Variants in TAF7L observed in about 807,000 individuals in gnomAD.
The protein encoded by TAF7L is transcription initiation factor TFIID subunit 7-like.
A neutral mutation model predicts 30.2 loss-of-function variants in TAF7L; 6 were observed. That is an observed-to-expected ratio of 0.20 (90% CI 0.11 to 0.39). The LOEUF (loss-of-function observed/expected upper bound fraction) is 0.39, where lower values mean the gene tolerates loss of function less well. TAF7L is among the 10% of genes least tolerant of loss of function. The probability of loss-of-function intolerance (pLI) is 1.00; values close to 1 mark genes in which losing one functional copy is unlikely to be tolerated. For missense variants in TAF7L, 284 were observed against 277.1 expected (o/e 1.03, Z -0.18); for synonymous variants, 93 against 94.5 (o/e 0.98, Z 0.09).
chrX:101,288,388 C>A (rs1229853204), intron 1 of TAF7L, among the ~76,000 whole-genome samples: 1 of 109,796 alleles, frequency 9.1e-6, no homozygotes, highest in Non-Finnish European at 1.9e-5. Context: ...AGTGATCCGC[C>A]CACCTCAGCC....
Position 101,277,937 on chromosome X carries a change from A to G in TAF7L, c.577+112T>C, listed in dbSNP as rs1924269665. On this transcript the variant is annotated intron_variant, in intron 8 of 12. Coordinates refer to ENST00000356784, the MANE Select transcript of TAF7L (RefSeq NM_001168474.2). ...GTTCCTAGCTAGAACATTTCAAAGAATCTTAAGTTCCACACATCAAGACTG... is the reference window on the plus strand; with the variant it reads ...GTTCCTAGCTAGAACATTTCAAAGAGTCTTAAGTTCCACACATCAAGACTG... 17 of 673,231 alleles carry G rather than the reference A, an allele frequency of 2.5e-5. No homozygotes were observed. The Admixed American group carries it at 3.9e-4, about 15-fold the overall frequency. 55.5% of individuals were successfully genotyped at this position (673,231 alleles called of 1,213,427 possible). A position where few individuals can be genotyped will look rare whatever the true frequency, so the allele number is the denominator to read the frequency against.
upstream of TAF7L, among the ~76,000 whole-genome samples, chrX:101,292,252 T>TAAAAAAAAAAAA: frequency 4.2e-5 from 1 of 23,759 alleles, no homozygotes; most frequent in Non-Finnish European, 6.3e-5. Context: ...AAAAAAAAAA[T>TAAAAAAAAAAAA]AAATAAAAAA....
intron 2 of TAF7L, among the ~76,000 whole-genome samples, chrX:101,287,057 G>A: frequency 8.9e-6 from 1 of 112,156 alleles, no homozygotes; most frequent in Non-Finnish European, 1.9e-5. Context: ...AGGTATCAGT[G>A]TGGGGGAAGA....
At chrX:101,283,307 T>C in intron 4 of TAF7L, 143 bp downstream of exon 4, 2 of 668,207 alleles carry the variant, frequency 3.0e-6, no homozygotes, top group East Asian at 6.6e-5. Flanking sequence ...AACATGACAT[T>C]TCATTCCTGT....
intron 4 of TAF7L, 133 bp from the exon 5 acceptor site, chrX:101,282,586 T>C (rs924923685): frequency 5.5e-6 from 4 of 724,890 alleles, no homozygotes; most frequent in African/African-American, 2.2e-5. Context: ...TATTTTGTAA[T>C]GTACATTTAT....
intron 4 of TAF7L, among the ~76,000 whole-genome samples, chrX:101,282,836 G>T (rs751624749): frequency 9.0e-6 from 1 of 111,040 alleles, no homozygotes; most frequent in East Asian, 2.8e-4. Flanking sequence ...CGTGATCATG[G>T]CTCACTGCAC....
chrX:101,285,875 T>C (rs1924569412), intron 3 of TAF7L, among the ~76,000 whole-genome samples: 1 of 111,792 alleles, frequency 8.9e-6, no homozygotes, highest in Non-Finnish European at 1.9e-5. Flanking sequence ...TAACAAATAT[T>C]ATTTAAAAGA....
rs1924278695 is a variant in TAF7L at position 101,278,091 on chromosome X, C to T, written c.535G>A (p.Val179Ile). Residue 179 changes from valine to isoleucine, a missense_variant, in exon 8 of 13, where the codon GTA becomes ATA. Val to Ile is a conservative substitution (Grantham distance 29). Coordinates refer to ENST00000356784, the MANE Select transcript of TAF7L (RefSeq NM_001168474.2). The part of the protein sequence containing the change: ...YIESPDVENE[V>I]KRLLRSDAEA... ...GCATCCGAACGCAGCAGTCTCTTTA[C>T]TTCATTTTCCACGTCTGGAGATTCA... The T allele has an allele frequency of 2.5e-6, 3 of 1,211,048 alleles. No individual in the cohort carries two copies. Among genetic ancestry groups the T allele is most frequent in the East Asian group, 5.9e-5 (2 of 33,838 alleles).
At chrX:101,287,653 C>T (rs1186584946) in intron 1 of TAF7L, 108 bp from the exon 2 acceptor site, 34 of 536,282 alleles carry the variant, frequency 6.3e-5, no homozygotes, top group Non-Finnish European at 9.8e-5. Flanking sequence ...CAAGATCTTG[C>T]CCATAATCCT....
chrX:101,283,649 A>G, intron 3 of TAF7L, 66 bp from the exon 4 acceptor site: 1 of 1,132,805 alleles, frequency 8.8e-7, no homozygotes, highest in Non-Finnish European at 1.2e-6. Flanking sequence ...TAAGGTTTGA[A>G]TAATGAAGAC....
chrX:101,270,637 C>A (rs1923938291), intron 12 of TAF7L, among the ~76,000 whole-genome samples: 1 of 111,228 alleles, frequency 9.0e-6, no homozygotes, highest in African/African-American at 3.3e-5. Flanking sequence ...TTTTGTTATC[C>A]TATTTTCAGT....
chrX:101,292,999 G>A, upstream of TAF7L: 2 of 1,211,205 alleles, frequency 1.7e-6, no homozygotes, highest in Non-Finnish European at 2.2e-6. Context: ...TGTTGGTGTT[G>A]AATCATTTTC....
chrX:101,285,272 G>A (rs955826024), intron 3 of TAF7L, among the ~76,000 whole-genome samples: 2 of 110,389 alleles, frequency 1.8e-5, no homozygotes, highest in Non-Finnish European at 3.8e-5. Context: ...GAGGTGGGTG[G>A]ATCACTCGAG....
At chrX:101,285,290 G>C (rs1011367750) in intron 3 of TAF7L, among the ~76,000 whole-genome samples, 1 of 110,132 alleles carries the variant, frequency 9.1e-6, no homozygotes, top group South Asian at 3.9e-4. Context: ...GAGGTCAGGA[G>C]TTCAAGACCA....
At chrX:101,286,038 G>A (rs750059746) in intron 3 of TAF7L, among the ~76,000 whole-genome samples, 6 of 109,947 alleles carry the variant, frequency 5.5e-5, no homozygotes, top group South Asian at 7.8e-4. Context: ...AAACTTAGCC[G>A]GGCATGGTGG....
intron 12 of TAF7L, among the ~76,000 whole-genome samples, chrX:101,271,610 G>A (rs1360210528): frequency 8.9e-6 from 1 of 111,982 alleles, no homozygotes; most frequent in African/African-American, 3.2e-5. Flanking sequence ...TGAGTGAGTG[G>A]TGAGTGAATG....
At chrX:101,286,095 C>G (rs928656237) in intron 3 of TAF7L, among the ~76,000 whole-genome samples, 3 of 107,610 alleles carry the variant, frequency 2.8e-5, no homozygotes, top group Non-Finnish European at 5.7e-5. Context: ...GCAGAAGAAT[C>G]ACTTGAACCC....
chrX:101,283,920 T>A (rs897871084), intron 3 of TAF7L, among the ~76,000 whole-genome samples: 2 of 109,065 alleles, frequency 1.8e-5, no homozygotes, highest in Non-Finnish European at 3.8e-5. Flanking sequence ...TTTTTTTTTT[T>A]AGAAGCATTC....
At chrX:101,277,855 G>A in intron 8 of TAF7L, 136 bp from the exon 9 acceptor site, 1 of 545,205 alleles carries the variant, frequency 1.8e-6, no homozygotes, top group Non-Finnish European at 3.0e-6. Context: ...TCCTAGTTTG[G>A]AGAAGTGCCT....
Sources: gnomAD v4.1 joint callset for allele counts (sites outside exome capture counted in the v4.1 genomes callset) on GRCh38, gnomAD v4.1.1 for gene constraint, MANE v1.5 for transcripts, NCBI Gene and HGNC (gene_info 2026-07-23, HGNC 2026-07-21) for gene names.